ATXN2L: variants seen among roughly 807,000 people sequenced by gnomAD.
ATXN2L encodes ataxin 2 like.
Under a neutral mutation model 120.7 loss-of-function variants are expected in ATXN2L, and 24 were observed. The observed-to-expected ratio is 0.20, with a 90% CI of 0.14 to 0.28. The LOEUF is 0.28. ATXN2L is among the 10% of genes least tolerant of loss of function. The pLI, the probability that ATXN2L is intolerant of heterozygous loss-of-function variation, is 1.00. For missense variants in ATXN2L, 1,312 were observed against 1,432.3 expected (o/e 0.92, Z 1.36); for synonymous variants, 653 against 568.1 (o/e 1.15, Z -2.13).
chr16:28,830,685 T>C lies in ATXN2L; in HGVS notation c.1105T>C (p.Ser369Pro). 6.2e-7 allele frequency: 1 copy of C among 1,613,724 alleles called. No homozygotes were observed. The highest frequency in any genetic ancestry group is 1.1e-5 in the South Asian group (1 of 91,030). Residue 369 changes from serine (S) to proline (P), a missense_variant, in exon 9 of 22, where the codon TCT becomes CCT. Physicochemically the swap from Ser to Pro is moderately conservative, Grantham distance 74 (BLOSUM62 -1). Coordinates refer to ENST00000336783, the MANE Select transcript of ATXN2L (RefSeq NM_007245.4). Reference sequence around the variant, plus strand: ...CCGGGGAGGAGTTCGATGCAGCAGCTCTCGGGGCGGTCGGCCTGGCCTTAG... The same window carrying C: ...CCGGGGAGGAGTTCGATGCAGCAGCCCTCGGGGCGGTCGGCCTGGCCTTAG... ...GPRGGVRCSSSRGGRPGLSSL... is the reference protein window; with the variant it reads ...GPRGGVRCSSPRGGRPGLSSL...
Position 28,832,190 on chromosome 16 carries a change from C to A in ATXN2L, c.1322-15C>A, listed in dbSNP as rs369923975. The A allele has an allele frequency of 2.0e-5, 32 of 1,613,878 alleles. No individual in the cohort carries two copies. Among genetic ancestry groups the A allele is most frequent in the Non-Finnish European group, 2.7e-5 (32 of 1,179,916 alleles). On this transcript the variant is annotated splice_polypyrimidine_tract_variant and intron_variant, in intron 10 of 21. Coordinates refer to ENST00000336783, the MANE Select transcript of ATXN2L (RefSeq NM_007245.4). ...ACCAGCAGTAACCATCCTACAGCTC[C>A]CCCTTTTCTTCCAGTGGGCCGGATG...
In ATXN2L at chr16:28,823,569, T is replaced by C; in HGVS notation, c.299+11T>C. 1 of 1,327,282 alleles carries C rather than the reference T, an allele frequency of 7.5e-7. No homozygotes were observed. The highest frequency in any genetic ancestry group is 9.6e-7 in the Non-Finnish European group (1 of 1,041,940). The allele number at this position is 1,327,282 out of a possible 1,614,324, so 82.2% of individuals were successfully genotyped here. ...CATCGGCAGCGCCAGGTGAGAAGGG[T>C]GGGCTCCGGGCGAGGGAGCCGCGGC... On this transcript the variant is annotated intron_variant, in intron 1 of 21. Transcript: ENST00000336783.
intron 1 of ATXN2L, among the ~76,000 whole-genome samples, 157 bp from the exon 2 acceptor site, chr16:28,825,209 C>T (rs747069649): frequency 1.3e-5 from 2 of 151,946 alleles, no homozygotes; most frequent in Non-Finnish European, 2.9e-5. Flanking sequence ...AGAGGGAGAC[C>T]CTGTCTCAAA....
At chr16:28,834,791 G>A in intron 18 of ATXN2L, 98 bp downstream of exon 18, 1 of 1,398,520 alleles carries the variant, frequency 7.2e-7, no homozygotes, top group South Asian at 1.4e-5. Context: ...GGCAGGCAGT[G>A]TTGTAGGTGG....
At position 28,832,690 on chromosome 16, in the gene ATXN2L, C is replaced by A; in HGVS notation, c.1588+123C>A. The A allele has an allele frequency of 1.8e-5, 25 of 1,413,494 alleles. No individual in the cohort carries two copies. The South Asian group carries it at 2.8e-4, about 16-fold the overall frequency. The allele number at this position is 1,413,494 out of a possible 1,614,324, so 87.6% of individuals were successfully genotyped here. On this transcript the variant is annotated intron_variant, in intron 12 of 21. Coordinates refer to ENST00000336783, the MANE Select transcript of ATXN2L (RefSeq NM_007245.4). ...TCTATCAGTCCTTGGATTATAATTT[C>A]ACTTCTGTGATCCTCAAGAGTTTCT...
At chr16:28,825,211 T>C (rs771289220) in intron 1 of ATXN2L, among the ~76,000 whole-genome samples, 155 bp from the exon 2 acceptor site, 1 of 152,124 alleles carries the variant, frequency 6.6e-6, no homozygotes, top group Non-Finnish European at 1.5e-5. Flanking sequence ...AGGGAGACCC[T>C]GTCTCAAAAA....
chr16:28,833,487 T>C lies in ATXN2L; in HGVS notation c.2004T>C (p.Pro668=). 6.2e-7 allele frequency: 1 copy of C among 1,614,230 alleles called. No individual in the cohort carries two copies. The highest frequency in any genetic ancestry group is 8.5e-7 in the Non-Finnish European group (1 of 1,180,032). The change falls in exon 15 of 22, where the codon CCT becomes CCC. Residue 668 remains proline (P), a synonymous_variant. Coordinates refer to ENST00000336783, the MANE Select transcript of ATXN2L (RefSeq NM_007245.4). ...TLNPNAKEFN[P]TKPLLSVNKS... is the part of the protein sequence containing the mutation. ...ACCCTAATGCTAAGGAGTTCAATCC[T>C]ACAAAGCCTCTGCTGTCTGTGGTGA...
intron 4 of ATXN2L, 138 bp from the exon 5 acceptor site, chr16:28,826,102 C>A: frequency 1.9e-6 from 2 of 1,042,108 alleles, no homozygotes; most frequent in Non-Finnish European, 2.8e-6. Context: ...TGGTTCCAAG[C>A]ATGTTGAGGA....
At position 28,826,366 on chromosome 16, in the gene ATXN2L, G is replaced by A. The variant is rs117987062; in HGVS notation, c.592G>A (p.Val198Ile). ...SDVMLVHFRN[V>I]DFNYATKDKF... ...TGTCATGCTTGTTCACTTCCGAAATGTTGACTTCAACTATGCTACTAAAGG... is the reference window on the plus strand; with the variant it reads ...TGTCATGCTTGTTCACTTCCGAAATATTGACTTCAACTATGCTACTAAAGG... The change falls in exon 5 of 22, where the codon GTT (valine) becomes ATT (isoleucine). Residue 198 changes from valine (V) to isoleucine (I), a missense_variant. Coordinates refer to ENST00000336783, the MANE Select transcript of ATXN2L (RefSeq NM_007245.4). 0.011 allele frequency: 18,048 copies of A among 1,614,180 alleles called. 139 individuals are homozygous for A. The highest frequency in any genetic ancestry group is 0.019 in the Admixed American group (1,153 of 60,008).
Position 28,823,428 on chromosome 16 carries a change from C to A in ATXN2L, c.169C>A (p.Pro57Thr), listed in dbSNP as rs2050306612. 6 of 1,309,910 alleles carry A rather than the reference C, an allele frequency of 4.6e-6. No homozygotes were observed. In the East Asian group the frequency reaches 1.6e-4, roughly 34 times the overall value. 81.1% of individuals were successfully genotyped at this position (1,309,910 alleles called of 1,614,324 possible). The change falls in exon 1 of 22, where the codon CCC becomes ACC. Residue 57 changes from proline to threonine, a missense_variant. By Grantham distance (38) the Pro-to-Thr change is conservative (BLOSUM62 -1). Coordinates refer to ENST00000336783, the MANE Select transcript of ATXN2L (RefSeq NM_007245.4). ...TCCCGGGCCTCCAGCGGCCGCCTCC[C>A]CCTGCCTGGGGCCTGTGGCCGCTGC... ...APPGPPAAAS[P>T]CLGPVAAAGS...
At position 28,836,469 on chromosome 16, in the gene ATXN2L, C is replaced by T. The variant is rs1960864009; in HGVS notation, c.*204C>T. On this transcript the variant is annotated 3_prime_UTR_variant, in exon 22 of 22. Transcript: ENST00000336783. ...CCCAGCTCTCAGTGACCCCGACTGT[C>T]TCCTGACTTAGCCGAGGTAAGGTCA... 1.9e-6 allele frequency: 3 copies of T among 1,611,734 alleles called. No homozygotes were observed. Among genetic ancestry groups the T allele is most frequent in the Non-Finnish European group, 2.5e-6 (3 of 1,179,032 alleles).
chr16:28,836,936 C>G lies in ATXN2L; in HGVS notation c.*671C>G. ...AGCACCTTGAATGGGAGGGGCCTCA[C>G]AGAGGGCAGGGCCAGGGTCCAGCAG... On this transcript the variant is annotated 3_prime_UTR_variant, in exon 22 of 22. Coordinates refer to ENST00000336783, the MANE Select transcript of ATXN2L (RefSeq NM_007245.4). 1.3e-6 allele frequency: 1 copy of G among 796,350 alleles called. No individual in the cohort carries two copies. Among genetic ancestry groups the G allele is most frequent in the Non-Finnish European group, 2.0e-6 (1 of 493,022 alleles). 49.3% of individuals were successfully genotyped at this position (796,350 alleles called of 1,614,324 possible).
intron 1 of ATXN2L, chr16:28,823,853 G>GA: frequency 6.4e-6 from 2 of 312,334 alleles, no homozygotes; most frequent in Non-Finnish European, 1.1e-5. Flanking sequence ...CGGGGAGTTG[G>GA]GGGGGGGCAA....
At position 28,834,519 on chromosome 16, in the gene ATXN2L, G is replaced by A. The variant is rs375432344; in HGVS notation, c.2259G>A (p.Pro753=). The change falls in exon 18 of 22, where the codon CCG becomes CCA. Residue 753 remains proline, a synonymous_variant. Transcript: ENST00000336783. ...CTCCTCTTCCAGGCTCCCTTCCTCCGCAGCGCTCGGACCAACACCAGCCAG... is the reference window on the plus strand; with the variant it reads ...CTCCTCTTCCAGGCTCCCTTCCTCCACAGCGCTCGGACCAACACCAGCCAG... ...KYRGAKGSLP[P]QRSDQHQPAS... 224 of 1,610,650 alleles carry A rather than the reference G, an allele frequency of 1.4e-4. 2 individuals carry two copies. In the South Asian group the frequency reaches 2.1e-3, roughly 15 times the overall value.
In ATXN2L at chr16:28,834,050, C is replaced by T. The variant is rs762840165; in HGVS notation, c.2026-15C>T. 65 of 1,610,272 alleles carry T rather than the reference C, an allele frequency of 4.0e-5. 1 individual carries two copies. In the Admixed American group the frequency reaches 5.8e-4, roughly 14 times the overall value. On this transcript the variant is annotated splice_polypyrimidine_tract_variant and intron_variant, in intron 15 of 21. Coordinates refer to ENST00000336783, the MANE Select transcript of ATXN2L (RefSeq NM_007245.4). ...GGAAAATACAAAATAAAATTGTCCT[C>T]CCTTGTTTTTGCAGAATAAATCCAC...
intron 10 of ATXN2L, among the ~76,000 whole-genome samples, chr16:28,831,561 C>T (rs903843170): frequency 6.6e-6 from 1 of 152,140 alleles, no homozygotes; most frequent in East Asian, 1.9e-4. Flanking sequence ...AACTCCTGAC[C>T]TTGTGATCCT....
Position 28,823,116 on chromosome 16 carries a change from C to T in ATXN2L, c.-144C>T. 1 of 416,028 alleles carries T rather than the reference C, an allele frequency of 2.4e-6. No individual in the cohort carries two copies. Among genetic ancestry groups the T allele is most frequent in the Non-Finnish European group, 4.1e-6 (1 of 244,936 alleles). 25.8% of individuals were successfully genotyped at this position (416,028 alleles called of 1,614,324 possible). ...CGCCGCGGTCTTCTCTCTCCACCCCCGACACCGCGGGGCTCCCCCCGCCCG... is the reference window on the plus strand; with the variant it reads ...CGCCGCGGTCTTCTCTCTCCACCCCTGACACCGCGGGGCTCCCCCCGCCCG... On this transcript the variant is annotated 5_prime_UTR_variant, in exon 1 of 22. Transcript: ENST00000336783.
At position 28,836,463 on chromosome 16, in the gene ATXN2L, G is replaced by A. The variant is rs1212454281; in HGVS notation, c.*198G>A. The A allele has an allele frequency of 6.2e-6, 10 of 1,611,738 alleles. No homozygotes were observed. Among genetic ancestry groups the A allele is most frequent in the African/African-American group, 1.3e-5 (1 of 74,766 alleles). ...TGCCTCCCCAGCTCTCAGTGACCCC[G>A]ACTGTCTCCTGACTTAGCCGAGGTA... On this transcript the variant is annotated 3_prime_UTR_variant, in exon 22 of 22. Transcript: ENST00000336783.
intron 15 of ATXN2L, 89 bp downstream of exon 15, chr16:28,833,597 T>G (rs1192527123): frequency 7.6e-6 from 10 of 1,318,994 alleles, no homozygotes; most frequent in Non-Finnish European, 1.1e-5. Flanking sequence ...AACACTTCAC[T>G]TCCAGGACCA....
Sources: gnomAD v4.1 joint callset for allele counts (sites outside exome capture counted in the v4.1 genomes callset) on GRCh38, gnomAD v4.1.1 for gene constraint, MANE v1.5 for transcripts, NCBI Gene and HGNC (gene_info 2026-07-23, HGNC 2026-07-21) for gene names.